Variants in LINGO2 observed in about 807,000 individuals in gnomAD.
The protein encoded by LINGO2 is leucine rich repeat and Ig domain containing 2.
LINGO2 carries 14 observed loss-of-function variants against 30.6 expected under a neutral mutation model. The observed-to-expected ratio is 0.46, with a 90% confidence interval of 0.30 to 0.72. The LOEUF (loss-of-function observed/expected upper bound fraction) is 0.72, where lower values mean the gene tolerates loss of function less well. Among genes scored for constraint, LINGO2 ranks in the 30% least tolerant of loss-of-function variants. The probability of loss-of-function intolerance (pLI) is 0.07; values close to 1 mark genes in which losing one functional copy is unlikely to be tolerated. For missense variants in LINGO2, 729 were observed against 751.7 expected (o/e 0.97, Z 0.35); for synonymous variants, 317 against 288.5 (o/e 1.10, Z -1.00).
At chr9:28,482,996 T>C (rs955225952) in intron 1 of LINGO2, among the ~76,000 whole-genome samples, 1 of 152,126 alleles carries the variant, frequency 6.6e-6, no homozygotes, top group African/African-American at 2.4e-5. Context: ...ATAACTTTAT[T>C]ACCTGGTGGT....
At chr9:29,058,241 C>A in the LINGO2 span, among the ~76,000 whole-genome samples, 1 of 151,810 alleles carries the variant, frequency 6.6e-6, no homozygotes, top group African/African-American at 2.4e-5. Context: ...CACTGACAAT[C>A]AGAAGAGAAT....
chr9:28,191,304 T>C (rs369543803), intron 4 of LINGO2, among the ~76,000 whole-genome samples: 41 of 152,318 alleles, frequency 2.7e-4, no homozygotes, highest in African/African-American at 9.9e-4. Context: ...TGTATAAAAC[T>C]GTTTCATCAT....
the LINGO2 span, among the ~76,000 whole-genome samples, chr9:28,904,684 T>C: frequency 6.6e-6 from 1 of 152,134 alleles, no homozygotes; most frequent in South Asian, 2.1e-4. Context: ...AAAATACTAA[T>C]AAAAGAAACT....
Position 28,592,538 on chromosome 9 carries a change from T to C in LINGO2, c.-365+77662A>G, listed in dbSNP as rs548554334. Among the ~76,000 whole-genome samples, 25 of 152,200 alleles carry C rather than the reference T, an allele frequency of 1.6e-4. No individual in the cohort carries two copies. The South Asian group carries it at 5.0e-3, about 30-fold the overall frequency. On this transcript the variant is annotated intron_variant, in intron 1 of 5. Transcript: ENST00000379992. ...CAACAAGTTCAGAGCTATATTTTCT[T>C]ATGTTGAAGCACAGCTGAATAAATG...
intron 4 of LINGO2, among the ~76,000 whole-genome samples, chr9:28,047,088 A>G (rs1243465779): frequency 6.6e-6 from 1 of 152,108 alleles, no homozygotes; most frequent in Non-Finnish European, 1.5e-5. Flanking sequence ...CAGACAGTAA[A>G]TAGATTAAGA....
At chr9:28,509,386 T>C (rs1820279067) in intron 1 of LINGO2, among the ~76,000 whole-genome samples, 1 of 152,234 alleles carries the variant, frequency 6.6e-6, no homozygotes, top group Admixed American at 6.5e-5. Flanking sequence ...TGCTTTTTGA[T>C]TGAAGTTCTG....
chr9:28,004,806 G>T (rs1250861324), intron 5 of LINGO2, among the ~76,000 whole-genome samples: 1 of 152,190 alleles, frequency 6.6e-6, no homozygotes, highest in Non-Finnish European at 1.5e-5. Context: ...GGTTTGAAAT[G>T]GAGGTATGGG....
chr9:28,221,477 A>T (rs1173764611), intron 4 of LINGO2, among the ~76,000 whole-genome samples: 2 of 152,062 alleles, frequency 1.3e-5, no homozygotes, highest in East Asian at 3.9e-4. Context: ...TACATTTGCT[A>T]CTCCTAATTG....
intron 2 of LINGO2, among the ~76,000 whole-genome samples, chr9:28,403,929 C>G (rs1181425799): frequency 6.6e-6 from 1 of 151,972 alleles, no homozygotes; most frequent in Non-Finnish European, 1.5e-5. Context: ...ATTCTTCTCC[C>G]AATTCCTTAA....
chr9:28,212,560 G>C (rs1820628206), intron 4 of LINGO2, among the ~76,000 whole-genome samples: 1 of 151,124 alleles, frequency 6.6e-6, no homozygotes, highest in African/African-American at 2.4e-5. Flanking sequence ...AAAGATTCTT[G>C]TCTATATACA....
the LINGO2 span, among the ~76,000 whole-genome samples, chr9:29,105,597 G>A: frequency 6.6e-6 from 1 of 152,176 alleles, no homozygotes; most frequent in Non-Finnish European, 1.5e-5. Flanking sequence ...CTGTGATGAT[G>A]ATGGGGTATC....
At chr9:28,019,329 T>TCC (rs146336989) in intron 4 of LINGO2, among the ~76,000 whole-genome samples, 2 of 141,000 alleles carry the variant, frequency 1.4e-5, no homozygotes, top group Non-Finnish European at 3.1e-5. Context: ...GTTTTTTTTT[T>TCC]TCCATTCCTT....
At chr9:28,035,918 G>GCACACA (rs1563931302) in intron 4 of LINGO2, among the ~76,000 whole-genome samples, 5 of 125,174 alleles carry the variant, frequency 4.0e-5, no homozygotes, top group African/African-American at 1.5e-4. Context: ...ACACACACAT[G>GCACACA]CGCTAATATA....
At chr9:28,675,781 G>C in the LINGO2 span, among the ~76,000 whole-genome samples, 2 of 150,786 alleles carry the variant, frequency 1.3e-5, no homozygotes, top group Non-Finnish European at 3.0e-5. Context: ...TGAGGCAGGA[G>C]AATTGCTTGA....
chr9:29,022,519 T>A, the LINGO2 span, among the ~76,000 whole-genome samples: 17 of 152,310 alleles, frequency 1.1e-4, no homozygotes, highest in South Asian at 3.3e-3. Flanking sequence ...ATTCAATGAG[T>A]TAAATGAATA....
chr9:29,191,434 C>T, the LINGO2 span, among the ~76,000 whole-genome samples: 3 of 151,986 alleles, frequency 2.0e-5, no homozygotes, highest in Non-Finnish European at 4.4e-5. Flanking sequence ...TATACATATA[C>T]ATTTTTTATT....
chr9:28,899,402 A>C, the LINGO2 span, among the ~76,000 whole-genome samples: 1 of 151,982 alleles, frequency 6.6e-6, no homozygotes, highest in Non-Finnish European at 1.5e-5. Context: ...CATTAGTCTG[A>C]CCCCACAGAC....
At chr9:29,161,390 G>A in the LINGO2 span, among the ~76,000 whole-genome samples, 1 of 152,126 alleles carries the variant, frequency 6.6e-6, no homozygotes, top group South Asian at 2.1e-4. Context: ...TCCCAAGCAG[G>A]CATAGTCATA....
chr9:27,981,560 G>GA (rs1318410176), intron 5 of LINGO2, among the ~76,000 whole-genome samples: 48 of 87,208 alleles, frequency 5.5e-4, no homozygotes, highest in African/African-American at 9.1e-4. Context: ...AGAAAAAAAA[G>GA]AAAAAAAAAG....
Sources: gnomAD v4.1 joint callset for allele counts (sites outside exome capture counted in the v4.1 genomes callset) on GRCh38, gnomAD v4.1.1 for gene constraint, MANE v1.5 for transcripts, NCBI Gene and HGNC (gene_info 2026-07-23, HGNC 2026-07-21) for gene names.